The following FOXN3 variants were observed in gnomAD, a reference collection of about 807,000 sequenced individuals.
The protein encoded by FOXN3 is forkhead box protein N3.
Under a neutral mutation model 38.4 loss-of-function variants are expected in FOXN3, and 7 were observed. That is an observed-to-expected ratio of 0.18 (90% CI 0.10 to 0.34). The LOEUF is 0.34. Ranked by LOEUF, FOXN3 falls within the 10% of genes least tolerant of loss-of-function variation. The probability of loss-of-function intolerance (pLI) is 1.00; values close to 1 mark genes in which losing one functional copy is unlikely to be tolerated. For missense variants in FOXN3, 456 were observed against 613.4 expected, an observed-to-expected ratio of 0.74 and a Z score of 2.71; for synonymous variants, 230 against 242.2, an observed-to-expected ratio of 0.95 and a Z score of 0.47.
intron 1 of FOXN3, among the ~76,000 whole-genome samples, chr14:89,539,870 A>G (rs756070032): frequency 2.6e-5 from 4 of 152,186 alleles, no homozygotes; most frequent in Non-Finnish European, 4.4e-5. Context: ...TGTGCTTGAA[A>G]AACTAGACAT....
chr14:89,405,660 G>A (rs1199705403), intron 2 of FOXN3, among the ~76,000 whole-genome samples: 1 of 152,164 alleles, frequency 6.6e-6, no homozygotes, highest in African/African-American at 2.4e-5. Context: ...CTGTGCAGAT[G>A]CAAGAACTTT....
At chr14:89,391,345 T>C (rs2140077454) in intron 2 of FOXN3, among the ~76,000 whole-genome samples, 1 of 152,328 alleles carries the variant, frequency 6.6e-6, no homozygotes, top group Middle Eastern at 3.4e-3. Context: ...ATACAAACAC[T>C]GAGTCATCGT....
At chr14:89,495,071 C>T (rs904967431) in intron 1 of FOXN3, among the ~76,000 whole-genome samples, 5 of 152,276 alleles carry the variant, frequency 3.3e-5, no homozygotes, top group Middle Eastern at 3.4e-3. Context: ...TGGTAAGCCG[C>T]TTTAAATATT....
chr14:89,287,565 C>T (rs1886668285), intron 3 of FOXN3, among the ~76,000 whole-genome samples: 1 of 152,022 alleles, frequency 6.6e-6, no homozygotes, highest in Admixed American at 6.6e-5. Context: ...TCCTAGACAT[C>T]CTTAACTCTC....
intron 3 of FOXN3, among the ~76,000 whole-genome samples, chr14:89,303,786 C>T (rs1441291844): frequency 2.6e-5 from 4 of 152,204 alleles, no homozygotes; most frequent in African/African-American, 9.7e-5. Flanking sequence ...CTATACATCG[C>T]CTTCTTCTCA....
chr14:89,224,223 C>T (rs1033954534), intron 4 of FOXN3, among the ~76,000 whole-genome samples: 3 of 152,114 alleles, frequency 2.0e-5, no homozygotes, highest in Non-Finnish European at 2.9e-5. Context: ...CAATTGAGTA[C>T]TTATAAATTT....
At chr14:89,504,316 C>A (rs1893864261) in intron 1 of FOXN3, among the ~76,000 whole-genome samples, 1 of 152,176 alleles carries the variant, frequency 6.6e-6, no homozygotes, top group African/African-American at 2.4e-5. Flanking sequence ...GGCTGCATTG[C>A]CATGGGGTAA....
chr14:89,482,908 T>C (rs143616336), intron 1 of FOXN3, among the ~76,000 whole-genome samples: 1 of 48,318 alleles, frequency 2.1e-5, no homozygotes, highest in Non-Finnish European at 5.0e-5. Flanking sequence ...AGACCCTGTA[T>C]GAAAAAAAAA....
At chr14:89,306,479 T>C (rs780187201) in intron 3 of FOXN3, among the ~76,000 whole-genome samples, 39 of 152,138 alleles carry the variant, frequency 2.6e-4, no homozygotes, top group East Asian at 5.8e-4. Flanking sequence ...GCTATTCTCC[T>C]GCCTCAGCCT....
Position 89,448,719 on chromosome 14 carries a change from G to A in FOXN3, c.-14-36229C>T, listed in dbSNP as rs191551500. The stretch of plus-strand genomic sequence containing the variant: ...TTTGGGAGGTCAAGGCAGGAGGGTG[G>A]CTTGAGCCCAGGAGTTCAAGACCAG... On this transcript the variant is annotated intron_variant, in intron 1 of 6. Coordinates refer to the FOXN3 transcript ENST00000345097. Among the ~76,000 whole-genome samples, 159 of 152,022 alleles carry A rather than the reference G, an allele frequency of 1.0e-3. 1 individual carries two copies. The highest frequency in any genetic ancestry group is 3.8e-3 in the Admixed American group (58 of 15,246).
At chr14:89,247,123 C>T (rs79156967) in intron 4 of FOXN3, among the ~76,000 whole-genome samples, 5,745 of 152,202 alleles carry the variant, frequency 0.038, 148 homozygotes, top group African/African-American at 0.063. Flanking sequence ...AACACCCGTC[C>T]GTCCATTCAT....
chr14:89,241,871 G>C (rs1318555299), intron 4 of FOXN3, among the ~76,000 whole-genome samples: 2 of 152,116 alleles, frequency 1.3e-5, no homozygotes. Context: ...ACTCGCAATG[G>C]GGGGCCTCTT....
At chr14:89,526,089 C>G (rs920845108) in intron 1 of FOXN3, among the ~76,000 whole-genome samples, 2 of 148,968 alleles carry the variant, frequency 1.3e-5, no homozygotes, top group African/African-American at 2.5e-5. Context: ...TTGGTAAAAC[C>G]TGTTATCAAA....
intron 1 of FOXN3, among the ~76,000 whole-genome samples, chr14:89,416,075 A>C (rs1033379059): frequency 8.5e-5 from 13 of 152,212 alleles, no homozygotes; most frequent in Admixed American, 4.6e-4. Flanking sequence ...ATCTTCCCAG[A>C]GCCGAGCAGT....
chr14:89,321,660 C>T (rs1887901229), intron 3 of FOXN3, among the ~76,000 whole-genome samples: 2 of 152,210 alleles, frequency 1.3e-5, no homozygotes, highest in African/African-American at 4.8e-5. Context: ...CTTGAAGACA[C>T]ACTGGCCAAA....
intron 4 of FOXN3, among the ~76,000 whole-genome samples, chr14:89,229,769 T>A (rs1248848701): frequency 6.6e-6 from 1 of 151,884 alleles, no homozygotes; most frequent in African/African-American, 2.4e-5. Flanking sequence ...CTGAGGCCAA[T>A]AAGAGATAAA....
At chr14:89,288,376 C>T (rs994537025) in intron 3 of FOXN3, among the ~76,000 whole-genome samples, 1 of 152,166 alleles carries the variant, frequency 6.6e-6, no homozygotes, top group Admixed American at 6.5e-5. Context: ...TCAGCCTGCA[C>T]ATAGTTCTTG....
intron 2 of FOXN3, chr14:89,356,417 T>TAATTA (rs546432511): frequency 3.0e-4 from 45 of 151,890 alleles, no homozygotes; most frequent in Non-Finnish European, 5.3e-4. Context: ...ATAATAATAA[T>TAATTA]AATTAAATTA....
chr14:89,556,879 G>T (rs2139872564), intron 1 of FOXN3, among the ~76,000 whole-genome samples: 1 of 152,316 alleles, frequency 6.6e-6, no homozygotes, highest in Middle Eastern at 3.4e-3. Flanking sequence ...GCTCTGCATT[G>T]TGGAGTGACA....
Sources: gnomAD v4.1 joint callset for allele counts (sites outside exome capture counted in the v4.1 genomes callset) on GRCh38, gnomAD v4.1.1 for gene constraint, MANE v1.5 for transcripts, NCBI Gene and HGNC (gene_info 2026-07-23, HGNC 2026-07-21) for gene names.